FGFR4: variants seen among roughly 807,000 people sequenced by gnomAD.
FGFR4 encodes the protein hydroxyaryl-protein kinase.
FGFR4 carries 63 observed loss-of-function variants against 89.9 expected under a neutral mutation model. That is an observed-to-expected ratio of 0.70 (90% confidence interval 0.57 to 0.86). The LOEUF (loss-of-function observed/expected upper bound fraction) is 0.86. Among genes scored for constraint, FGFR4 ranks in the 40% least tolerant of loss-of-function variants. FGFR4 has a pLI of 0.00. For missense variants in FGFR4, 928 were observed against 1,106.7 expected, an observed-to-expected ratio of 0.84 and a Z score of 2.29; for synonymous variants, 486 against 479.4, an observed-to-expected ratio of 1.01 and a Z score of -0.18.
In FGFR4 at chr5:177,095,034, C is replaced by T; in HGVS notation, c.1520-296C>T. The T allele has an allele frequency of 2.6e-6, 1 of 389,168 alleles. No homozygotes were observed. The highest frequency in any genetic ancestry group is 2.6e-5 in the South Asian group (1 of 37,808). 24.1% of individuals were successfully genotyped at this position (389,168 alleles called of 1,614,324 possible). A position where few individuals can be genotyped will look rare whatever the true frequency, so the allele number is the denominator to read the frequency against. On this transcript the variant is annotated intron_variant, in intron 11 of 17. Coordinates refer to ENST00000292408, the MANE Select transcript of FGFR4 (RefSeq NM_213647.3). The surrounding 1 kb of genome is among the most constrained non-coding windows in gnomAD (Gnocchi z 5.7). Reference sequence around the variant, plus strand: ...CTTCCTTCCTGCTCCGAGCTCTTCCCCTCTCTCCTGTGTCCTGGGCCTGCC... The same window carrying T: ...CTTCCTTCCTGCTCCGAGCTCTTCCTCTCTCTCCTGTGTCCTGGGCCTGCC...
chr5:177,087,007 CGGAGGAGCCAGGTGA>C lies in FGFR4; in HGVS notation c.-107_-93del. 1,840 of 152,716 alleles carry C rather than the reference CGGAGGAGCCAGGTGA, an allele frequency of 0.012. 10 individuals carry two copies. Among genetic ancestry groups the C allele is most frequent in the Non-Finnish European group, 0.018 (1,261 of 68,864 alleles). The allele number at this position is 152,716 out of a possible 1,614,324, so 9.5% of individuals were successfully genotyped here. A position where few individuals can be genotyped will look rare whatever the true frequency, so the allele number is the denominator to read the frequency against. On this transcript the variant is annotated 5_prime_UTR_variant, in exon 1 of 18. Transcript: ENST00000292408. The surrounding 1 kb of genome is among the most constrained non-coding windows in gnomAD (Gnocchi z 6.1). ...CCGGCTGGAGCTGGGAGTGAGGCGG[CGGAGGAGCCAGGTGA>C]GGAGGAGCCAGGTGAGCAGGACCCT...
chr5:177,089,645 C>T lies in FGFR4; in HGVS notation c.43C>T (p.Pro15Ser), dbSNP rs776518605. The T allele has an allele frequency of 6.2e-6, 10 of 1,613,800 alleles. No individual in the cohort carries two copies. Among genetic ancestry groups the T allele is most frequent in the East Asian group, 4.5e-5 (2 of 44,890 alleles). Residue 15 changes from proline to serine, a missense_variant, in exon 2 of 18, where the codon CCT becomes TCT. Transcript: ENST00000292408. ...CCTGTTGGGGGTCCTGCTGAGTGTGCCTGGGCCTCCAGTCTTGTCCCTGGA... is the reference window on the plus strand; with the variant it reads ...CCTGTTGGGGGTCCTGCTGAGTGTGTCTGGGCCTCCAGTCTTGTCCCTGGA... Reference protein sequence around the residue: ...LALLGVLLSVPGPPVLSLEAS... With the variant: ...LALLGVLLSVSGPPVLSLEAS...
Position 177,096,627 on chromosome 5 carries a change from G to C in FGFR4, c.2039G>C (p.Trp680Ser). The C allele has an allele frequency of 6.2e-7, 1 of 1,613,360 alleles. No individual in the cohort carries two copies. Among genetic ancestry groups the C allele is most frequent in the Non-Finnish European group, 8.5e-7 (1 of 1,179,708 alleles). Reference protein sequence around the residue: ...SDVWSFGILLWEIFTLGGSPY... With the variant: ...SDVWSFGILLSEIFTLGGSPY... ...AGGTGGTCTTTTGGGATCCTGCTAT[G>C]GGAGATCTTCACCCTCGGGGGCTCC... The change falls in exon 16 of 18, where the codon TGG (tryptophan) becomes TCG (serine). Residue 680 changes from tryptophan (W) to serine (S), a missense_variant. By Grantham distance (177) the Trp-to-Ser change is radical. Coordinates refer to ENST00000292408, the MANE Select transcript of FGFR4 (RefSeq NM_213647.3).
intron 16 of FGFR4, 127 bp downstream of exon 16, chr5:177,096,868 C>G (rs1242645257): frequency 1.6e-5 from 16 of 1,019,560 alleles, no homozygotes; most frequent in Non-Finnish European, 2.1e-5. Flanking sequence ...TCCTCCTCCT[C>G]TTCCTCTTCC....
Position 177,095,765 on chromosome 5 carries a change from C to G in FGFR4, c.1821+42C>G. ...TCTGAGCCCCTCTCAGTCTCTCCAG[C>G]TCCACTCTCAGGCCTGTGGCATTCA... On this transcript the variant is annotated intron_variant, in intron 13 of 17. Transcript: ENST00000292408. The surrounding 1 kb of genome is among the most constrained non-coding windows in gnomAD (Gnocchi z 5.7). 6.6e-7 allele frequency: 1 copy of G among 1,510,778 alleles called. No homozygotes were observed. Among genetic ancestry groups the G allele is most frequent in the South Asian group, 1.3e-5 (1 of 77,034 alleles). The allele number at this position is 1,510,778 out of a possible 1,614,324, so 93.6% of individuals were successfully genotyped here. A position where few individuals can be genotyped will look rare whatever the true frequency, so the allele number is the denominator to read the frequency against.
At chr5:177,088,094 C>G (rs1582003773) in intron 1 of FGFR4, 2 of 155,254 alleles carry the variant, frequency 1.3e-5, no homozygotes, top group East Asian at 3.5e-4. Flanking sequence ...ACTCTGTCGC[C>G]CAGGCTGGAG....
chr5:177,089,784 C>A, intron 2 of FGFR4, 91 bp downstream of exon 2: 1 of 1,515,684 alleles, frequency 6.6e-7, no homozygotes. Flanking sequence ...GGAAAGGATC[C>A]TTGCCCAGGC....
In FGFR4 at chr5:177,090,956, C is replaced by G. The variant is rs1784346423; in HGVS notation, c.455C>G (p.Pro152Arg). The part of the protein sequence containing the change: ...YPQQAPYWTH[P>R]QRMEKKLHAV... ...CCTCCAGCACCCTACTGGACACACC[C>G]CCAGCGCATGGAGAAGAAACTGCAT... Residue 152 changes from proline to arginine, a missense_variant, in exon 5 of 18, where the codon CCC (proline) becomes CGC (arginine). This residue lies in a region of FGFR4 where 741 missense variants were observed against 836.9 expected (regional missense o/e 0.89). Transcript: ENST00000292408. 1 of 1,614,124 alleles carries G rather than the reference C, an allele frequency of 6.2e-7. No homozygotes were observed. The highest frequency in any genetic ancestry group is 1.7e-5 in the Admixed American group (1 of 60,022).
Position 177,091,719 on chromosome 5 carries a change from G to A in FGFR4, c.638G>A (p.Ser213Asn). Reference protein sequence around the residue: ...RHQHWSLVMESVVPSDRGTYT... With the variant: ...RHQHWSLVMENVVPSDRGTYT... ...CAGCACTGGAGTCTCGTGATGGAGA[G>A]CGTGGTGCCCTCGGACCGCGGCACA... Residue 213 changes from serine (S) to asparagine (N), a missense_variant, in exon 6 of 18, where the codon AGC becomes AAC. Ser to Asn is a conservative substitution (Grantham distance 46). Coordinates refer to ENST00000292408, the MANE Select transcript of FGFR4 (RefSeq NM_213647.3). 6.2e-7 allele frequency: 1 copy of A among 1,614,250 alleles called. No homozygotes were observed. Among genetic ancestry groups the A allele is most frequent in the African/African-American group, 1.3e-5 (1 of 75,074 alleles).
In FGFR4 at chr5:177,093,678, C is replaced by T. The variant is rs144494258; in HGVS notation, c.1422C>T (p.Gly474=). The T allele has an allele frequency of 2.3e-5, 37 of 1,614,070 alleles. No homozygotes were observed. Among genetic ancestry groups the T allele is most frequent in the Middle Eastern group, 1.6e-4 (1 of 6,084 alleles). Residue 474 remains glycine, a synonymous_variant, in exon 11 of 18, where the codon GGC becomes GGT. Coordinates refer to ENST00000292408, the MANE Select transcript of FGFR4 (RefSeq NM_213647.3). This position sits in a 1 kb window ranked among gnomAD's most constrained non-coding sequence, Gnocchi z 5.8. ...GGCTGGTGCTTGGGAAGCCCCTAGG[C>T]GAGGGCTGCTTTGGCCAGGTAGTAC... ...RDRLVLGKPL[G]EGCFGQVVRA...
In FGFR4 at chr5:177,095,600, C is replaced by T; in HGVS notation, c.1698C>T (p.Arg566=). 1 of 1,604,662 alleles carries T rather than the reference C, an allele frequency of 6.2e-7. No homozygotes were observed. The highest frequency in any genetic ancestry group is 8.5e-7 in the Non-Finnish European group (1 of 1,176,646). ...TGCGGGAGTTCCTGCGGGCCCGGCG[C>T]CCCCCAGGCCCCGACCTCAGCCCCG... ...GNLREFLRAR[R]PPGPDLSPDG... The change falls in exon 13 of 18, where the codon CGC becomes CGT. Residue 566 remains arginine, a synonymous_variant. Coordinates refer to ENST00000292408, the MANE Select transcript of FGFR4 (RefSeq NM_213647.3). This position sits in a 1 kb window ranked among gnomAD's most constrained non-coding sequence, Gnocchi z 5.7.
rs933087055 is a variant in FGFR4, at chr5:177,097,698, G to A, written c.*22G>A. 6.2e-7 allele frequency: 1 copy of A among 1,609,530 alleles called. No homozygotes were observed. The highest frequency in any genetic ancestry group is 8.5e-7 in the Non-Finnish European group (1 of 1,177,254). On this transcript the variant is annotated 3_prime_UTR_variant, in exon 18 of 18. Coordinates refer to ENST00000292408, the MANE Select transcript of FGFR4 (RefSeq NM_213647.3). ...ATGAGCAAGGCTCAAGGCTGTGCAG[G>A]CACATAGGCTGGTGGCCTTGGGCCT...
chr5:177,087,651 C>T lies in FGFR4; in HGVS notation c.-54+574C>T, dbSNP rs186245361. The T allele has an allele frequency of 2.0e-6, 2 of 985,218 alleles. No homozygotes were observed. Among genetic ancestry groups the T allele is most frequent in the East Asian group, 2.3e-4 (2 of 8,796 alleles). The allele number at this position is 985,218 out of a possible 1,614,324, so 61.0% of individuals were successfully genotyped here. ...GCAGCCTGGGGTAGGAATAAACTCCCCGGGCCTCCCCACCCACTCCCAGCC... is the reference window on the plus strand; with the variant it reads ...GCAGCCTGGGGTAGGAATAAACTCCTCGGGCCTCCCCACCCACTCCCAGCC... On this transcript the variant is annotated intron_variant, in intron 1 of 17. Transcript: ENST00000292408. This position sits in a 1 kb window ranked among gnomAD's most constrained non-coding sequence, Gnocchi z 6.1.
chr5:177,095,838 T>C lies in FGFR4; in HGVS notation c.1821+115T>C. ...GCTCTTTTTCATGACCCCACCTCAGTGTCCCCAGGCATTCACGCTTTCCTG... is the reference window on the plus strand; with the variant it reads ...GCTCTTTTTCATGACCCCACCTCAGCGTCCCCAGGCATTCACGCTTTCCTG... On this transcript the variant is annotated intron_variant, in intron 13 of 17. Coordinates refer to ENST00000292408, the MANE Select transcript of FGFR4 (RefSeq NM_213647.3). This position sits in a 1 kb window ranked among gnomAD's most constrained non-coding sequence, Gnocchi z 5.7. The C allele has an allele frequency of 7.8e-7, 1 of 1,274,488 alleles. No homozygotes were observed. The highest frequency in any genetic ancestry group is 1.1e-6 in the Non-Finnish European group (1 of 940,680). 78.9% of individuals were successfully genotyped at this position (1,274,488 alleles called of 1,614,324 possible). A position where few individuals can be genotyped will look rare whatever the true frequency, so the allele number is the denominator to read the frequency against.
intron 14 of FGFR4, 31 bp downstream of exon 14, chr5:177,096,210 G>T (rs1784556195): frequency 1.2e-6 from 2 of 1,613,428 alleles, no homozygotes; most frequent in Non-Finnish European, 1.7e-6. Context: ...CTGGATGGGG[G>T]TGGAGGGGCA....
At position 177,093,882 on chromosome 5, in the gene FGFR4, C is replaced by T. The variant is rs928000690; in HGVS notation, c.1519+107C>T. 1 of 1,258,504 alleles carries T rather than the reference C, an allele frequency of 7.9e-7. No homozygotes were observed. Among genetic ancestry groups the T allele is most frequent in the Non-Finnish European group, 1.1e-6 (1 of 919,226 alleles). 78.0% of individuals were successfully genotyped at this position (1,258,504 alleles called of 1,614,324 possible). A position where few individuals can be genotyped will look rare whatever the true frequency, so the allele number is the denominator to read the frequency against. On this transcript the variant is annotated intron_variant, in intron 11 of 17. Coordinates refer to ENST00000292408, the MANE Select transcript of FGFR4 (RefSeq NM_213647.3). The surrounding 1 kb of genome is among the most constrained non-coding windows in gnomAD (Gnocchi z 5.8). ...AGGAATTCGAGGCCAGCCTGGGCAA[C>T]ATGGCAAGACTTCATCTCTACAAAA...
At position 177,095,728 on chromosome 5, in the gene FGFR4, A is replaced by G. The variant is rs1166977357; in HGVS notation, c.1821+5A>G. 1.3e-6 allele frequency: 2 copies of G among 1,588,464 alleles called. No individual in the cohort carries two copies. Among genetic ancestry groups the G allele is most frequent in the Non-Finnish European group, 1.7e-6 (2 of 1,169,708 alleles). ...CAGTATCTGGAGTCCCGGAAGGTAC[A>G]GGCGCTAGGGCTCTGAGCCCCTCTC... On this transcript the variant is annotated splice_donor_5th_base_variant and intron_variant, in intron 13 of 17. Transcript: ENST00000292408. The surrounding 1 kb of genome is among the most constrained non-coding windows in gnomAD (Gnocchi z 5.7).
Position 177,089,575 on chromosome 5 carries a change from T to C in FGFR4, c.-28T>C, listed in dbSNP as rs768447343. The C allele has an allele frequency of 5.6e-6, 9 of 1,605,050 alleles. No homozygotes were observed. Among genetic ancestry groups the C allele is most frequent in the Middle Eastern group, 3.3e-4 (2 of 6,036 alleles). On this transcript the variant is annotated 5_prime_UTR_variant, in exon 2 of 18. Coordinates refer to ENST00000292408, the MANE Select transcript of FGFR4 (RefSeq NM_213647.3). ...GAAGGCAGTTGGTGGGAAGTCCAGCTTGGGTCCCTGAGAGCTGTGAGAAGG... is the reference window on the plus strand; with the variant it reads ...GAAGGCAGTTGGTGGGAAGTCCAGCCTGGGTCCCTGAGAGCTGTGAGAAGG...
At position 177,095,111 on chromosome 5, in the gene FGFR4, G is replaced by A; in HGVS notation, c.1520-219G>A. 2 of 560,402 alleles carry A rather than the reference G, an allele frequency of 3.6e-6. No homozygotes were observed. The highest frequency in any genetic ancestry group is 6.5e-6 in the Non-Finnish European group (2 of 309,640). 34.7% of individuals were successfully genotyped at this position (560,402 alleles called of 1,614,324 possible). A position where few individuals can be genotyped will look rare whatever the true frequency, so the allele number is the denominator to read the frequency against. ...TTGATACAGTTGCATCCTTGCAACT[G>A]CTGTGACAGGCAGGGTGTGACCCAC... is the stretch of plus-strand genomic sequence containing the variant. On this transcript the variant is annotated intron_variant, in intron 11 of 17. Transcript: ENST00000292408. This position sits in a 1 kb window ranked among gnomAD's most constrained non-coding sequence, Gnocchi z 5.7.
Sources: allele counts gnomAD v4.1 joint callset, GRCh38; gene constraint gnomAD v4.1.1; regional missense constraint gnomAD v4.1.1; non-coding constraint Gnocchi (gnomAD v3.1); transcripts MANE v1.5; gene names NCBI Gene and HGNC (gene_info 2026-07-23, HGNC 2026-07-21).